Variants in PGBD2 observed in about 807,000 individuals in gnomAD.
PGBD2 encodes piggyBac transposable element derived 2, also known as piggyBac transposable element-derived protein 2.
A neutral mutation model predicts 8.1 loss-of-function variants in PGBD2; 6 were observed. The ratio of observed to expected loss-of-function variants is 0.74; its 90% confidence interval spans 0.40 to 1.46. PGBD2 has a LOEUF of 1.46. Ranked by LOEUF, PGBD2 falls within the 40% of genes most tolerant of loss-of-function variation. The pLI is 0.02. For missense variants in PGBD2, 802 were observed against 739.0 expected, an observed-to-expected ratio of 1.09 and a Z score of -0.99; for synonymous variants, 318 against 272.2, an observed-to-expected ratio of 1.17 and a Z score of -1.66.
upstream of PGBD2, among the ~76,000 whole-genome samples, chr1:248,903,538 C>T (rs979582166): frequency 1.3e-5 from 2 of 152,112 alleles, no homozygotes; most frequent in South Asian, 2.1e-4. Flanking sequence ...ATACATAGTG[C>T]GTCAAATCAA....
At chr1:248,908,029 C>T (rs144376610) in intron 1 of PGBD2, among the ~76,000 whole-genome samples, 146 of 152,224 alleles carry the variant, frequency 9.6e-4, no homozygotes, top group African/African-American at 2.7e-3. Context: ...TTCCCATGTA[C>T]GGTTCGTCTG....
chr1:248,919,294 A>G (rs1327223980), downstream of PGBD2: 1 of 166,776 alleles, frequency 6.0e-6, no homozygotes, highest in Non-Finnish European at 1.5e-5. Context: ...CATGAGTTCA[A>G]TTGTTTTCAT....
At chr1:248,919,199 T>C (rs1482038895), downstream of PGBD2, 1 of 167,064 alleles carries the variant, frequency 6.0e-6, no homozygotes, top group Non-Finnish European at 1.5e-5. Flanking sequence ...TTCTATTTTT[T>C]CATACCCATT....
At chr1:248,928,294 G>C in the PGBD2 span, among the ~76,000 whole-genome samples, 2 of 152,182 alleles carry the variant, frequency 1.3e-5, no homozygotes, top group African/African-American at 4.8e-5. Flanking sequence ...CTTGCACACA[G>C]CAACAGACAA....
At chr1:248,926,996 A>G in the PGBD2 span, among the ~76,000 whole-genome samples, 5 of 152,178 alleles carry the variant, frequency 3.3e-5, no homozygotes, top group African/African-American at 9.7e-5. Context: ...AGACAATGAT[A>G]GTGGAGTCTG....
chr1:248,901,329 C>T (rs564390835), upstream of PGBD2, among the ~76,000 whole-genome samples: 4 of 152,164 alleles, frequency 2.6e-5, no homozygotes, highest in Admixed American at 2.0e-4. Flanking sequence ...TCAGGGTACC[C>T]GACTTCAAAC....
At chr1:248,886,935 A>G in the PGBD2 span, among the ~76,000 whole-genome samples, 9 of 152,058 alleles carry the variant, frequency 5.9e-5, no homozygotes, top group Non-Finnish European at 1.2e-4. Flanking sequence ...AGGGGGTAAA[A>G]CTCTGCAGCA....
the PGBD2 span, among the ~76,000 whole-genome samples, chr1:248,896,174 A>C: frequency 1.3e-5 from 2 of 151,948 alleles, no homozygotes; most frequent in African/African-American, 4.8e-5. Context: ...ACTCCATCCA[A>C]GTTGCTGCAA....
chr1:248,914,073 G>A (rs1396950448), intron 2 of PGBD2, among the ~76,000 whole-genome samples, 194 bp downstream of exon 2: 1 of 152,184 alleles, frequency 6.6e-6, no homozygotes, highest in Admixed American at 6.5e-5. Flanking sequence ...CATGGTGTGG[G>A]TGTGGTTATG....
At chr1:248,921,618 G>A (rs1662288807), downstream of PGBD2, among the ~76,000 whole-genome samples, 2 of 152,182 alleles carry the variant, frequency 1.3e-5, no homozygotes, top group African/African-American at 4.8e-5. Flanking sequence ...GGCTATGTAT[G>A]CTCTTTTTTA....
At chr1:248,922,116 G>T (rs1302224193), downstream of PGBD2, among the ~76,000 whole-genome samples, 9 of 150,050 alleles carry the variant, frequency 6.0e-5, no homozygotes, top group Admixed American at 6.0e-4. Flanking sequence ...CTGGAGTGCA[G>T]TGGCACGATC....
chr1:248,902,268 CAAA>C (rs1331327616), upstream of PGBD2, among the ~76,000 whole-genome samples: 2 of 100,274 alleles, frequency 2.0e-5, no homozygotes, highest in Admixed American at 1.1e-4. Flanking sequence ...GACTCCATCT[CAAA>C]AAAAAAAAAA....
downstream of PGBD2, chr1:248,919,176 TCTTA>T (rs992517102): frequency 6.0e-6 from 1 of 167,120 alleles, no homozygotes; most frequent in Admixed American, 6.5e-5. Context: ...AAATACTAGG[TCTTA>T]CTCATTCTTT....
At chr1:248,929,833 T>C in the PGBD2 span, among the ~76,000 whole-genome samples, 1 of 152,212 alleles carries the variant, frequency 6.6e-6, no homozygotes, top group African/African-American at 2.4e-5. Context: ...TGTGGGTTGT[T>C]GAAGAAATGC....
At position 248,917,788 on chromosome 1, in the gene PGBD2, G is replaced by A; in HGVS notation, c.1204G>A (p.Val402Ile). ...KMKRGSFDYK[V>I]DESEEIIVCR... ...GAAGAGGGGTTCATTTGATTACAAA[G>A]TCGATGAGAGTGAGGAGATCATCGT... is the stretch of plus-strand genomic sequence containing the variant. The change falls in exon 3 of 3, where the codon GTC (valine) becomes ATC (isoleucine). Residue 402 changes from valine (V) to isoleucine (I), a missense_variant. Transcript: ENST00000329291. 6.2e-7 allele frequency: 1 copy of A among 1,614,206 alleles called. No homozygotes were observed. Among genetic ancestry groups the A allele is most frequent in the South Asian group, 1.1e-5 (1 of 91,090 alleles).
At chr1:248,892,269 C>CCCTA in the PGBD2 span, among the ~76,000 whole-genome samples, 1 of 115,686 alleles carries the variant, frequency 8.6e-6, no homozygotes, top group African/African-American at 4.6e-5. Flanking sequence ...CTCCCTCCCT[C>CCCTA]CCTCCCTTCC....
chr1:248,876,705 T>A, the PGBD2 span, among the ~76,000 whole-genome samples: 1 of 152,214 alleles, frequency 6.6e-6, no homozygotes, highest in East Asian at 1.9e-4. Flanking sequence ...ACTTTATCCG[T>A]ATTTATTTTA....
chr1:248,889,757 TGCTCTAAGACAGGGAAGCTAAAG>T, the PGBD2 span, among the ~76,000 whole-genome samples: 1 of 151,912 alleles, frequency 6.6e-6, no homozygotes, highest in Non-Finnish European at 1.5e-5. Context: ...TCCCTTCAGG[TGCTCTAAGACAGGGAAGCTAAAG>T]GCAGACTCGG....
rs1337136831 is a variant in PGBD2 at position 248,908,301 on chromosome 1, G to T, written c.-48+1959G>T. Among the ~76,000 whole-genome samples, 5 of 152,152 alleles carry T rather than the reference G, an allele frequency of 3.3e-5. No homozygotes were observed. The South Asian group carries it at 1.0e-3, about 32-fold the overall frequency. ...CACACCAAGTTGCTTTTTCTTTGTT[G>T]AGTGCCTGGGCCAGTTCAGTTGAGA... On this transcript the variant is annotated intron_variant, in intron 1 of 2. Transcript: ENST00000329291.
Sources: gnomAD v4.1 joint callset for allele counts (sites outside exome capture counted in the v4.1 genomes callset) on GRCh38, gnomAD v4.1.1 for gene constraint, MANE v1.5 for transcripts, NCBI Gene and HGNC (gene_info 2026-07-23, HGNC 2026-07-21) for gene names.